Variants in CADM2 observed in about 807,000 individuals in gnomAD.
CADM2 encodes the protein cell adhesion molecule 2.
A neutral mutation model predicts 49.8 loss-of-function variants in CADM2; 12 were observed. The ratio of observed to expected loss-of-function variants is 0.24; its 90% CI spans 0.15 to 0.39. CADM2 has a LOEUF of 0.39. Among genes scored for constraint, CADM2 ranks in the 10% least tolerant of loss-of-function variants. The pLI is 1.00. For missense variants in CADM2, 378 were observed against 492.3 expected (o/e 0.77, Z 2.20); for synonymous variants, 214 against 175.4 (o/e 1.22, Z -1.74).
chr3:85,903,559 A>G (rs560116766), intron 5 of CADM2, among the ~76,000 whole-genome samples: 84 of 152,212 alleles, frequency 5.5e-4, no homozygotes, highest in African/African-American at 2.0e-3. Context: ...TGAAAAGTCA[A>G]TTGTCAAGGG....
intron 1 of CADM2, among the ~76,000 whole-genome samples, chr3:84,961,708 G>A (rs1161019688): frequency 6.6e-6 from 1 of 152,116 alleles, no homozygotes; most frequent in East Asian, 1.9e-4. Flanking sequence ...TTTGGTGATT[G>A]CAATGAAAAT....
intron 1 of CADM2, among the ~76,000 whole-genome samples, chr3:85,031,309 C>A (rs1294114824): frequency 1.3e-5 from 2 of 152,104 alleles, no homozygotes; most frequent in Non-Finnish European, 2.9e-5. Context: ...CAGGGCATAG[C>A]GCAGGTAAGA....
chr3:85,254,092 C>T (rs2042833690), intron 1 of CADM2, among the ~76,000 whole-genome samples: 1 of 152,030 alleles, frequency 6.6e-6, no homozygotes, highest in African/African-American at 2.4e-5. Flanking sequence ...AGCTATAATC[C>T]TTGGAGTTCT....
At chr3:86,046,314 A>G (rs930843135) in intron 8 of CADM2, among the ~76,000 whole-genome samples, 1 of 152,182 alleles carries the variant, frequency 6.6e-6, no homozygotes, top group Non-Finnish European at 1.5e-5. Context: ...TTATTTTAAA[A>G]ACACGTAGTA....
intron 1 of CADM2, among the ~76,000 whole-genome samples, chr3:85,299,925 A>T (rs1013486945): frequency 2.0e-5 from 3 of 152,088 alleles, no homozygotes; most frequent in African/African-American, 7.2e-5. Flanking sequence ...AGATCGTCAG[A>T]AAGACACAAA....
chr3:85,959,022 A>T (rs560058018), intron 7 of CADM2, among the ~76,000 whole-genome samples: 36 of 149,872 alleles, frequency 2.4e-4, no homozygotes, highest in South Asian at 8.4e-4. Context: ...AACTTAAATT[A>T]AAAAAATCTA....
chr3:85,797,912 C>T (rs990046894), intron 2 of CADM2, among the ~76,000 whole-genome samples: 1 of 152,196 alleles, frequency 6.6e-6, no homozygotes, highest in African/African-American at 2.4e-5. Context: ...CACATCCTTT[C>T]CAGCATCTGT....
At chr3:85,239,876 C>T (rs1168086870) in intron 1 of CADM2, among the ~76,000 whole-genome samples, 2 of 151,222 alleles carry the variant, frequency 1.3e-5, no homozygotes, top group African/African-American at 4.8e-5. Flanking sequence ...TCAGTGCACA[C>T]TGAAATTTAT....
intron 1 of CADM2, among the ~76,000 whole-genome samples, chr3:85,549,398 AC>A (rs2061743294): frequency 6.6e-6 from 1 of 152,190 alleles, no homozygotes; most frequent in Admixed American, 6.5e-5. Flanking sequence ...TTAATTTTGA[AC>A]CGGTCTCATA....
intron 1 of CADM2, among the ~76,000 whole-genome samples, chr3:85,596,978 A>G (rs1041017233): frequency 6.6e-6 from 1 of 152,102 alleles, no homozygotes; most frequent in Non-Finnish European, 1.5e-5. Context: ...TGGCCTCCCA[A>G]AATGCTGGGA....
chr3:85,284,346 A>G (rs2043576507), intron 1 of CADM2, among the ~76,000 whole-genome samples: 1 of 152,114 alleles, frequency 6.6e-6, no homozygotes, highest in Non-Finnish European at 1.5e-5. Context: ...GAAAAACTCT[A>G]TTTAAAAAAG....
chr3:85,295,083 C>G (rs985314038), intron 1 of CADM2, among the ~76,000 whole-genome samples: 4 of 152,036 alleles, frequency 2.6e-5, no homozygotes, highest in Non-Finnish European at 2.9e-5. Context: ...TGAACTCAAA[C>G]AAATTTAGAA....
intron 2 of CADM2, among the ~76,000 whole-genome samples, chr3:85,788,461 T>G (rs565344726): frequency 6.6e-6 from 1 of 151,428 alleles, no homozygotes; most frequent in African/African-American, 2.5e-5. Context: ...CTTTATTTAG[T>G]GCACCAATGC....
intron 1 of CADM2, among the ~76,000 whole-genome samples, chr3:85,405,291 A>C (rs2035317543): frequency 6.6e-6 from 1 of 152,192 alleles, no homozygotes; most frequent in African/African-American, 2.4e-5. Context: ...TGATAATAGT[A>C]CAAATAGCAA....
chr3:86,013,920 T>C, intron 8 of CADM2: 2 of 1,588,750 alleles, frequency 1.3e-6, no homozygotes, highest in South Asian at 2.2e-5. Flanking sequence ...ACTCTGAACT[T>C]CCTGTGCCTT....
intron 7 of CADM2, among the ~76,000 whole-genome samples, chr3:85,955,905 C>T (rs1723998516): frequency 6.6e-6 from 1 of 151,574 alleles, no homozygotes; most frequent in South Asian, 2.1e-4. Context: ...TATTTTGTCT[C>T]TCTTTTTACT....
chr3:85,044,990 T>G (rs2035591149), intron 1 of CADM2, among the ~76,000 whole-genome samples: 1 of 152,090 alleles, frequency 6.6e-6, no homozygotes, highest in African/African-American at 2.4e-5. Flanking sequence ...TACTTCTATA[T>G]GACCAGGTGT....
At chr3:85,133,136 T>C (rs1027794227) in intron 1 of CADM2, among the ~76,000 whole-genome samples, 4 of 152,138 alleles carry the variant, frequency 2.6e-5, no homozygotes, top group African/African-American at 7.2e-5. Context: ...ACTTTCTCAG[T>C]GAGTGTTACA....
At position 85,279,480 on chromosome 3, in the gene CADM2, C is replaced by A. The variant is rs1307511318; in HGVS notation, c.61+319812C>A. ...ATATTATGGGAAATTTTAGATATTTCTTTTCAAGAAATAAAATTTACATTT... is the reference window on the plus strand; with the variant it reads ...ATATTATGGGAAATTTTAGATATTTATTTTCAAGAAATAAAATTTACATTT... On this transcript the variant is annotated intron_variant, in intron 1 of 9. Transcript: ENST00000383699. Among the ~76,000 whole-genome samples, 4 of 151,448 alleles carry A rather than the reference C, an allele frequency of 2.6e-5. No homozygotes were observed. In the East Asian group the frequency reaches 5.8e-4, roughly 22 times the overall value.
Sources: gnomAD v4.1 joint callset for allele counts (sites outside exome capture counted in the v4.1 genomes callset) on GRCh38, gnomAD v4.1.1 for gene constraint, MANE v1.5 for transcripts, NCBI Gene and HGNC (gene_info 2026-07-23, HGNC 2026-07-21) for gene names.